The following SMYD3 variants were observed in gnomAD, a reference collection of about 807,000 sequenced individuals.
SMYD3 encodes the protein SET and MYND domain containing 3.
Under a neutral mutation model 57.7 loss-of-function variants are expected in SMYD3, and 36 were observed. The observed-to-expected ratio is 0.62, with a 90% confidence interval of 0.48 to 0.82. SMYD3 has a LOEUF of 0.82. Ranked by LOEUF, SMYD3 falls within the 40% of genes least tolerant of loss-of-function variation. SMYD3 has a pLI of 0.00. For missense variants in SMYD3, 515 were observed against 538.8 expected, an observed-to-expected ratio of 0.96 and a Z score of 0.44; for synonymous variants, 211 against 195.0, an observed-to-expected ratio of 1.08 and a Z score of -0.68.
intron 2 of SMYD3, among the ~76,000 whole-genome samples, chr1:246,354,516 C>T (rs1245077598): frequency 6.6e-6 from 1 of 151,682 alleles, no homozygotes; most frequent in African/African-American, 2.4e-5. Flanking sequence ...AAGTGCCAAG[C>T]ATTCATTAAC....
At chr1:246,107,105 G>A (rs988421959) in intron 5 of SMYD3, among the ~76,000 whole-genome samples, 1 of 108,952 alleles carries the variant, frequency 9.2e-6, no homozygotes, top group Non-Finnish European at 1.8e-5. Flanking sequence ...CGAGACCACG[G>A]TGAAACCCCG....
At chr1:245,823,121 T>C (rs1444743162) in intron 10 of SMYD3, among the ~76,000 whole-genome samples, 2 of 152,128 alleles carry the variant, frequency 1.3e-5, no homozygotes, top group African/African-American at 4.8e-5. Context: ...TATAGTAAGA[T>C]AGAGGCCATT....
chr1:245,887,422 G>C (rs924063519), intron 8 of SMYD3, among the ~76,000 whole-genome samples: 1 of 152,162 alleles, frequency 6.6e-6, no homozygotes, highest in African/African-American at 2.4e-5. Flanking sequence ...GCTGTGTGTG[G>C]AGGAGTCATT....
intron 5 of SMYD3, among the ~76,000 whole-genome samples, chr1:246,310,070 T>C (rs1250935971): frequency 2.0e-5 from 3 of 152,184 alleles, no homozygotes; most frequent in Non-Finnish European, 4.4e-5. Flanking sequence ...TTATAAACAT[T>C]ATAAGCAATG....
chr1:245,984,240 G>A (rs181181591), intron 5 of SMYD3, among the ~76,000 whole-genome samples: 19 of 152,034 alleles, frequency 1.2e-4, no homozygotes, highest in African/African-American at 2.4e-4. Context: ...CAGGTGATCC[G>A]TCCCGCCTTG....
chr1:246,327,553 A>G (rs1307231090), intron 4 of SMYD3, among the ~76,000 whole-genome samples: 1 of 152,214 alleles, frequency 6.6e-6, no homozygotes, highest in Non-Finnish European at 1.5e-5. Flanking sequence ...GTAAGATCAA[A>G]CACCTATCAA....
intron 5 of SMYD3, chr1:245,953,374 G>A: frequency 1.0e-5 from 10 of 975,938 alleles, no homozygotes; most frequent in Non-Finnish European, 1.2e-5. Flanking sequence ...AATAAAAAGT[G>A]AGAAAAAGCA....
chr1:246,025,361 G>T (rs955477501), intron 5 of SMYD3, among the ~76,000 whole-genome samples: 2 of 152,160 alleles, frequency 1.3e-5, no homozygotes, highest in African/African-American at 2.4e-5. Context: ...CAGAAGAAAA[G>T]AAACAGATTG....
chr1:246,507,256 C>T lies in SMYD3; in HGVS notation c.-39G>A. On this transcript the variant is annotated 5_prime_UTR_variant, in exon 1 of 12. Transcript: ENST00000490107. ...CGGCACCTCAGACGGCTACCCGCGT[C>T]CAGCAGCGGGCGTCTCACGGGCTGC... 1.4e-6 allele frequency: 2 copies of T among 1,459,870 alleles called. No homozygotes were observed. The highest frequency in any genetic ancestry group is 2.7e-5 in the South Asian group (2 of 74,260). The allele number at this position is 1,459,870 out of a possible 1,614,324, so 90.4% of individuals were successfully genotyped here.
At chr1:245,861,282 A>C (rs527536065) in intron 9 of SMYD3, among the ~76,000 whole-genome samples, 1 of 152,222 alleles carries the variant, frequency 6.6e-6, no homozygotes, top group Non-Finnish European at 1.5e-5. Flanking sequence ...TACGGAGCTG[A>C]GCTCTAGACC....
intron 11 of SMYD3, among the ~76,000 whole-genome samples, chr1:245,755,745 T>C (rs924010604): frequency 1.3e-5 from 2 of 152,190 alleles, no homozygotes; most frequent in African/African-American, 2.4e-5. Context: ...TGTATCTTTT[T>C]CCATCATTTT....
chr1:246,000,961 T>C (rs1477515508), intron 5 of SMYD3, among the ~76,000 whole-genome samples: 2 of 152,196 alleles, frequency 1.3e-5, no homozygotes. Context: ...CTTTATTTTG[T>C]CCGAGTAAGG....
At chr1:245,994,851 G>C (rs2058890552) in intron 5 of SMYD3, among the ~76,000 whole-genome samples, 1 of 151,902 alleles carries the variant, frequency 6.6e-6, no homozygotes, top group East Asian at 1.9e-4. Context: ...CTTCGGCTGG[G>C]CGCAGTGGCT....
intron 5 of SMYD3, among the ~76,000 whole-genome samples, chr1:246,104,652 A>C (rs910295096): frequency 4.6e-5 from 7 of 152,182 alleles, no homozygotes; most frequent in African/African-American, 1.2e-4. Context: ...GAAAAATAAC[A>C]CAAGCCTTTC....
At chr1:246,230,270 T>C (rs1300554435) in intron 5 of SMYD3, among the ~76,000 whole-genome samples, 1 of 152,212 alleles carries the variant, frequency 6.6e-6, no homozygotes, top group Non-Finnish European at 1.5e-5. Flanking sequence ...CATCAATCTT[T>C]TTTTCACATG....
At chr1:245,853,448 C>G (rs921659929) in intron 10 of SMYD3, among the ~76,000 whole-genome samples, 1 of 152,186 alleles carries the variant, frequency 6.6e-6, no homozygotes, top group Non-Finnish European at 1.5e-5. Context: ...TCAGGTCCTC[C>G]CACTGTAATA....
intron 5 of SMYD3, among the ~76,000 whole-genome samples, chr1:246,066,847 C>G (rs2060350336): frequency 6.6e-6 from 1 of 152,168 alleles, no homozygotes; most frequent in Non-Finnish European, 1.5e-5. Flanking sequence ...CATATAATTG[C>G]ATGTCGTTTT....
intron 1 of SMYD3, among the ~76,000 whole-genome samples, chr1:246,426,985 A>G (rs1371523506): frequency 1.3e-5 from 2 of 152,180 alleles, no homozygotes; most frequent in African/African-American, 4.8e-5. Context: ...TACCATAAAA[A>G]TAATTTTAGA....
chr1:246,502,539 A>C (rs1172298390), intron 1 of SMYD3, among the ~76,000 whole-genome samples: 1 of 152,196 alleles, frequency 6.6e-6, no homozygotes, highest in African/African-American at 2.4e-5. Context: ...ATATCCAGGA[A>C]ATTTAAAACT....
Sources: gnomAD v4.1 joint callset for allele counts (sites outside exome capture counted in the v4.1 genomes callset) on GRCh38, gnomAD v4.1.1 for gene constraint, MANE v1.5 for transcripts, NCBI Gene and HGNC (gene_info 2026-07-23, HGNC 2026-07-21) for gene names.